WIPF1: variants seen among roughly 807,000 people sequenced by gnomAD.
The protein encoded by WIPF1 is WAS/WASL interacting protein family member 1.
A neutral mutation model predicts 35.4 loss-of-function variants in WIPF1; 13 were observed. The ratio of observed to expected loss-of-function variants is 0.37; its 90% CI spans 0.24 to 0.58. The LOEUF (loss-of-function observed/expected upper bound fraction) is 0.58. Ranked by LOEUF, WIPF1 falls within the 20% of genes least tolerant of loss-of-function variation. The pLI, the probability that WIPF1 is intolerant of heterozygous loss-of-function variation, is 0.74. For missense variants in WIPF1, 591 were observed against 667.0 expected, an observed-to-expected ratio of 0.89 and a Z score of 1.25; for synonymous variants, 267 against 266.3, an observed-to-expected ratio of 1.00 and a Z score of -0.02.
intron 3 of WIPF1, among the ~76,000 whole-genome samples, chr2:174,580,552 G>A (rs539959854): frequency 1.2e-3 from 183 of 152,346 alleles, no homozygotes; most frequent in African/African-American, 4.3e-3. Flanking sequence ...AATGGGATCT[G>A]TAGTCTAGGA....
chr2:174,631,973 T>G (rs1038626416), intron 1 of WIPF1, among the ~76,000 whole-genome samples: 1 of 152,148 alleles, frequency 6.6e-6, no homozygotes, highest in South Asian at 2.1e-4. Context: ...GAAGAGAGAT[T>G]TGTGAAGTTA....
chr2:174,650,112 T>C (rs980823790), intron 1 of WIPF1, among the ~76,000 whole-genome samples: 3 of 152,114 alleles, frequency 2.0e-5, no homozygotes, highest in African/African-American at 4.8e-5. Context: ...GAAAGAGGTG[T>C]TTTGTCTCTT....
intron 1 of WIPF1, among the ~76,000 whole-genome samples, chr2:174,587,962 T>C (rs549376597): frequency 6.6e-6 from 1 of 152,340 alleles, no homozygotes; most frequent in South Asian, 2.1e-4. Flanking sequence ...TAAATTGCTC[T>C]TTCTGGCATG....
intron 1 of WIPF1, chr2:174,673,212 G>C (rs1369647514): frequency 6.6e-6 from 1 of 152,212 alleles, no homozygotes; most frequent in Non-Finnish European, 1.5e-5. Context: ...CCACTTCACA[G>C]CAAGCCAGGC....
rs919943373 is a variant in WIPF1, at chr2:174,561,225, T to C, written c.*1322A>G. On this transcript the variant is annotated 3_prime_UTR_variant, in exon 8 of 8. Transcript: ENST00000679041. ...CAATTTCCACTAGCAATCTCCCTAA[T>C]TCGCTCAACCCTTACATAAGCATCA... 1 of 152,644 alleles carries C rather than the reference T, an allele frequency of 6.6e-6. No individual in the cohort carries two copies. The highest frequency in any genetic ancestry group is 2.4e-5 in the African/African-American group (1 of 41,478). The allele number at this position is 152,644 out of a possible 1,614,324, so 9.5% of individuals were successfully genotyped here.
At chr2:174,577,175 C>T (rs921768741) in intron 3 of WIPF1, among the ~76,000 whole-genome samples, 1 of 152,094 alleles carries the variant, frequency 6.6e-6, no homozygotes, top group Non-Finnish European at 1.5e-5. Context: ...TTTTTGGCAC[C>T]AGGAAATTGT....
intron 1 of WIPF1, among the ~76,000 whole-genome samples, chr2:174,587,283 C>T (rs1685456069): frequency 6.6e-6 from 1 of 152,158 alleles, no homozygotes; most frequent in Admixed American, 6.5e-5. Flanking sequence ...TCCCATAGTG[C>T]TGGGATTACA....
At chr2:174,593,653 CAA>C (rs1489340822) in intron 1 of WIPF1, among the ~76,000 whole-genome samples, 2 of 152,182 alleles carry the variant, frequency 1.3e-5, no homozygotes, top group Non-Finnish European at 2.9e-5. Flanking sequence ...AAAAAATGCT[CAA>C]CAGGAAAATT....
At chr2:174,601,430 G>A (rs904819665), upstream of WIPF1, among the ~76,000 whole-genome samples, 2 of 152,180 alleles carry the variant, frequency 1.3e-5, no homozygotes, top group Non-Finnish European at 2.9e-5. Flanking sequence ...ACACCATTGG[G>A]CAATGTGAAG....
At chr2:174,588,226 G>T (rs143789331) in intron 1 of WIPF1, among the ~76,000 whole-genome samples, 1 of 152,216 alleles carries the variant, frequency 6.6e-6, no homozygotes, top group Non-Finnish European at 1.5e-5. Context: ...TGGTCTGCCC[G>T]GTGGGCCCAA....
chr2:174,576,237 A>G (rs949129814), intron 3 of WIPF1, among the ~76,000 whole-genome samples: 3 of 151,564 alleles, frequency 2.0e-5, no homozygotes, highest in African/African-American at 7.3e-5. Flanking sequence ...CAGCAAAAAA[A>G]AAAAAAAAAA....
At chr2:174,641,235 T>G (rs1463952839) in intron 1 of WIPF1, among the ~76,000 whole-genome samples, 1 of 152,206 alleles carries the variant, frequency 6.6e-6, no homozygotes, top group Non-Finnish European at 1.5e-5. Flanking sequence ...TTTTCTGGGT[T>G]TACTGACTCC....
intron 1 of WIPF1, among the ~76,000 whole-genome samples, chr2:174,610,953 G>C (rs1559160600): frequency 6.6e-6 from 1 of 152,176 alleles, no homozygotes; most frequent in Non-Finnish European, 1.5e-5. Flanking sequence ...CAAAACTGTA[G>C]ATGACTTTCT....
Position 174,609,087 on chromosome 2 carries a change from G to A in WIPF1, c.-38-23476C>T, listed in dbSNP as rs1166766348. ...GAGAGGCAGACCCAACTACTCTGCA[G>A]GTGGACAGTAAATGGTGGGCATTTG... On this transcript the variant is annotated intron_variant, in intron 1 of 8. Transcript: ENST00000272746. Among the ~76,000 whole-genome samples the A allele has an allele frequency of 2.6e-5, 4 of 152,186 alleles. No individual in the cohort carries two copies. In the East Asian group the frequency reaches 7.7e-4, roughly 29 times the overall value.
intron 1 of WIPF1, among the ~76,000 whole-genome samples, chr2:174,626,908 G>C (rs1254129886): frequency 2.6e-5 from 4 of 152,018 alleles, no homozygotes; most frequent in African/African-American, 9.7e-5. Context: ...TCTCTTTTTG[G>C]ATCAAAATCC....
intron 1 of WIPF1, among the ~76,000 whole-genome samples, chr2:174,670,536 C>A (rs923171423): frequency 2.6e-5 from 4 of 152,194 alleles, no homozygotes; most frequent in Admixed American, 1.3e-4. Context: ...ACAGGGGAAC[C>A]ATTGACCAGT....
intron 1 of WIPF1, among the ~76,000 whole-genome samples, chr2:174,658,611 T>C (rs1339700889): frequency 6.6e-6 from 1 of 152,058 alleles, no homozygotes; most frequent in African/African-American, 2.4e-5. Flanking sequence ...GTTAATTAAA[T>C]GCAACAAGCT....
At chr2:174,650,472 G>A (rs867817649) in intron 1 of WIPF1, among the ~76,000 whole-genome samples, 76 of 152,030 alleles carry the variant, frequency 5.0e-4, no homozygotes, top group African/African-American at 9.9e-4. Context: ...ACAGTTATAC[G>A]GCAAACACCG....
At chr2:174,641,507 G>A (rs779836395) in intron 1 of WIPF1, among the ~76,000 whole-genome samples, 2 of 152,154 alleles carry the variant, frequency 1.3e-5, no homozygotes, top group Non-Finnish European at 1.5e-5. Context: ...CTAATGAACC[G>A]CTGTTATTTT....
Sources: gnomAD v4.1 joint callset for allele counts (sites outside exome capture counted in the v4.1 genomes callset) on GRCh38, gnomAD v4.1.1 for gene constraint, MANE v1.5 for transcripts, NCBI Gene and HGNC (gene_info 2026-07-23, HGNC 2026-07-21) for gene names.